Variants in GOLGA4 observed in about 807,000 individuals in gnomAD.
The protein encoded by GOLGA4 is golgin subfamily A member 4.
A neutral mutation model predicts 265.9 loss-of-function variants in GOLGA4; 169 were observed. That is an observed-to-expected ratio of 0.64 (90% CI 0.56 to 0.72). The LOEUF (loss-of-function observed/expected upper bound fraction) is 0.72. GOLGA4 is among the 30% of genes least tolerant of loss of function. The pLI is 0.00. For synonymous variants in GOLGA4, 923 were observed against 855.8 expected (o/e 1.08, Z -1.37); for missense variants, 2,482 against 2,483.4 (o/e 1.00, Z 0.01).
chr3:37,342,697 T>C (rs1478850029), intron 20 of GOLGA4, among the ~76,000 whole-genome samples: 1 of 152,220 alleles, frequency 6.6e-6, no homozygotes, highest in Non-Finnish European at 1.5e-5. Flanking sequence ...TACATTCTTT[T>C]TCATTTTTCC....
chr3:37,300,824 C>G (rs2096890725), intron 9 of GOLGA4, among the ~76,000 whole-genome samples: 2 of 152,140 alleles, frequency 1.3e-5, no homozygotes, highest in Middle Eastern at 6.8e-3. Flanking sequence ...CAGATTTTCT[C>G]TAGTTTCTCA....
At chr3:37,280,164 A>G (rs1264052416) in intron 2 of GOLGA4, among the ~76,000 whole-genome samples, 1 of 152,158 alleles carries the variant, frequency 6.6e-6, no homozygotes, top group East Asian at 1.9e-4. Context: ...CCCTGAACAC[A>G]TTTTGTTTTA....
intron 16 of GOLGA4, among the ~76,000 whole-genome samples, chr3:37,331,539 A>G (rs996535911): frequency 1.8e-4 from 28 of 152,310 alleles, no homozygotes; most frequent in African/African-American, 6.5e-4. Context: ...TCCCATTTAA[A>G]AATTTCTGGG....
intron 5 of GOLGA4, among the ~76,000 whole-genome samples, chr3:37,291,473 C>A (rs1218595409): frequency 1.3e-5 from 2 of 152,166 alleles, no homozygotes; most frequent in Non-Finnish European, 2.9e-5. Context: ...CCAGCATTCC[C>A]TGGCAATATC....
intron 10 of GOLGA4, chr3:37,302,632 A>C: frequency 4.2e-6 from 1 of 237,294 alleles, no homozygotes; most frequent in Admixed American, 5.2e-5. Flanking sequence ...CAAAACCTAA[A>C]ATATTTATCA....
chr3:37,269,274 A>C (rs1206228524), intron 2 of GOLGA4, among the ~76,000 whole-genome samples: 2 of 152,200 alleles, frequency 1.3e-5, no homozygotes, highest in African/African-American at 4.8e-5. Context: ...GCAACTGCAT[A>C]AGGATTTAAT....
intron 5 of GOLGA4, among the ~76,000 whole-genome samples, chr3:37,291,824 A>G (rs2096865373): frequency 6.6e-6 from 1 of 152,106 alleles, no homozygotes; most frequent in African/African-American, 2.4e-5. Flanking sequence ...CATTAACTTT[A>G]TCTTCCTCTA....
intron 17 of GOLGA4, among the ~76,000 whole-genome samples, chr3:37,335,436 C>T (rs1363302770): frequency 6.6e-6 from 1 of 152,178 alleles, no homozygotes; most frequent in African/African-American, 2.4e-5. Context: ...ACCAGTGCTT[C>T]TCCATCTTTT....
chr3:37,285,455 G>A (rs1338227000), intron 3 of GOLGA4, among the ~76,000 whole-genome samples: 1 of 152,200 alleles, frequency 6.6e-6, no homozygotes. Flanking sequence ...TGTTGATTAT[G>A]AGGTTCTTTG....
chr3:37,253,263 G>A (rs1335780102), intron 2 of GOLGA4, among the ~76,000 whole-genome samples: 7 of 147,110 alleles, frequency 4.8e-5, no homozygotes, highest in Non-Finnish European at 9.0e-5. Flanking sequence ...AAAAAAAAAA[G>A]CCTGGTTCCC....
intron 23 of GOLGA4, among the ~76,000 whole-genome samples, chr3:37,364,972 T>A (rs956217321): frequency 1.3e-5 from 2 of 152,106 alleles, no homozygotes; most frequent in African/African-American, 4.8e-5. Flanking sequence ...GTCAGCTCAC[T>A]GCAGCCTTGA....
At chr3:37,275,008 TCGAG>T (rs2096810533) in intron 2 of GOLGA4, among the ~76,000 whole-genome samples, 1 of 151,676 alleles carries the variant, frequency 6.6e-6, no homozygotes, top group African/African-American at 2.4e-5. Flanking sequence ...GGTGAGGGGT[TCGAG>T]ACCAGCCTAA....
At chr3:37,358,635 T>C (rs1195606772) in intron 22 of GOLGA4, among the ~76,000 whole-genome samples, 1 of 152,156 alleles carries the variant, frequency 6.6e-6, no homozygotes, top group African/African-American at 2.4e-5. Context: ...CTGCGCTGAG[T>C]GATAATGTAG....
chr3:37,329,101 C>T lies in GOLGA4; in HGVS notation c.6192+8C>T, dbSNP rs753308897. The T allele has an allele frequency of 1.3e-6, 2 of 1,584,122 alleles. No homozygotes were observed. Among genetic ancestry groups the T allele is most frequent in the East Asian group, 2.3e-5 (1 of 44,112 alleles). The stretch of plus-strand genomic sequence containing the variant: ...TATGAAGAAATCCTTGATGTTTGTA[C>T]CTTATTTCTTCTCTCTCACTTTTGA... On this transcript the variant is annotated splice_region_variant and intron_variant, in intron 16 of 23. Transcript: ENST00000361924.
At chr3:37,266,828 A>T (rs1007188275) in intron 2 of GOLGA4, 1 of 1,189,250 alleles carries the variant, frequency 8.4e-7, no homozygotes, top group African/African-American at 1.6e-5. Context: ...TGCTTATTAC[A>T]CTGAATGAGA....
chr3:37,252,528 A>G (rs1488903973), intron 2 of GOLGA4, among the ~76,000 whole-genome samples: 2 of 152,148 alleles, frequency 1.3e-5, no homozygotes, highest in Admixed American at 1.3e-4. Context: ...ACACATAAGA[A>G]GATAATGCTG....
Position 37,323,666 on chromosome 3 carries a change from C to G in GOLGA4, c.1780C>G (p.Leu594Val). ...TCAGTCAAAAGATTTGGCTGTTCAT[C>G]TGGAAGCTGAAAAAAATAAGCACAA... ...KNQSKDLAVH[L>V]EAEKNKHNKE... Residue 594 changes from leucine (L) to valine (V), a missense_variant, in exon 14 of 24, where the codon CTG becomes GTG. Leu to Val is a conservative substitution (Grantham distance 32, BLOSUM62 1). Around this residue, in one of 3 missense-constraint regions of GOLGA4, gnomAD observed 1,536 missense variants for 1,483.7 expected, o/e 1.04. Transcript: ENST00000361924. The G allele has an allele frequency of 3.8e-6, 6 of 1,599,564 alleles. No individual in the cohort carries two copies. Among genetic ancestry groups the G allele is most frequent in the Non-Finnish European group, 4.3e-6 (5 of 1,176,060 alleles).
rs1372451297 is a variant in GOLGA4 at position 37,338,321 on chromosome 3, A to G, written c.6396+587A>G. Among the ~76,000 whole-genome samples the G allele has an allele frequency of 2.0e-5, 3 of 152,180 alleles. No homozygotes were observed. In the East Asian group the frequency reaches 5.8e-4, roughly 29 times the overall value. On this transcript the variant is annotated intron_variant, in intron 19 of 23. Transcript: ENST00000361924. ...TCTTTTAAAATTCATACAGACAAAAATCTTGATAATTGTTAGAACTGAGTG... is the reference window on the plus strand; with the variant it reads ...TCTTTTAAAATTCATACAGACAAAAGTCTTGATAATTGTTAGAACTGAGTG...
rs771796974 is a variant in GOLGA4 at position 37,299,273 on chromosome 3, A to T, written c.1003-15A>T. On this transcript the variant is annotated splice_polypyrimidine_tract_variant and intron_variant, in intron 8 of 23. Transcript: ENST00000361924. The stretch of plus-strand genomic sequence containing the variant: ...CTTTATTAGAGATGGAAATGAATTT[A>T]AAAATTTTTTTTAGGACCTTCATAT... The T allele has an allele frequency of 6.4e-7, 1 of 1,559,234 alleles. No homozygotes were observed. The highest frequency in any genetic ancestry group is 8.8e-7 in the Non-Finnish European group (1 of 1,132,824).
Sources: gnomAD v4.1 joint callset for allele counts (sites outside exome capture counted in the v4.1 genomes callset) on GRCh38, gnomAD v4.1.1 for gene constraint, gnomAD v4.1.1 regional missense constraint, MANE v1.5 for transcripts, NCBI Gene and HGNC (gene_info 2026-07-23, HGNC 2026-07-21) for gene names.